The following ODC1 variants were observed in gnomAD, a reference collection of about 807,000 sequenced individuals.
ODC1 encodes the protein ornithine decarboxylase.
Under a neutral mutation model 41.5 loss-of-function variants are expected in ODC1, and 18 were observed. That is an observed-to-expected ratio of 0.43 (90% CI 0.30 to 0.64). ODC1 has a LOEUF of 0.64. ODC1 is among the 30% of genes least tolerant of loss of function. The pLI is 0.11. For missense variants in ODC1, 504 were observed against 589.0 expected, an observed-to-expected ratio of 0.86 and a Z score of 1.49; for synonymous variants, 218 against 211.6, an observed-to-expected ratio of 1.03 and a Z score of -0.26.
chr2:10,443,153 A>T, intron 8 of ODC1, 77 bp downstream of exon 8: 1 of 1,126,280 alleles, frequency 8.9e-7, no homozygotes. Flanking sequence ...ATTAGTTAAG[A>T]CACTTAAATT....
chr2:10,446,297 G>C (rs1169072282), intron 1 of ODC1, among the ~76,000 whole-genome samples: 1 of 152,032 alleles, frequency 6.6e-6, no homozygotes, highest in Non-Finnish European at 1.5e-5. Context: ...CCACACCCGG[G>C]GCCTGGCTAA....
intron 9 of ODC1, 31 bp from the exon 10 acceptor site, chr2:10,441,960 T>G: frequency 6.2e-7 from 1 of 1,613,394 alleles, no homozygotes. Context: ...TCTTAATGAC[T>G]TTTTGCATCA....
In ODC1 at chr2:10,440,401, C is replaced by CT. The variant is rs1671781795; in HGVS notation, c.*322dup. 1 of 202,136 alleles carries CT rather than the reference C, an allele frequency of 4.9e-6. No homozygotes were observed. The highest frequency in any genetic ancestry group is 2.3e-5 in the African/African-American group (1 of 42,796). The allele number at this position is 202,136 out of a possible 1,614,324, so 12.5% of individuals were successfully genotyped here. A position where few individuals can be genotyped will look rare whatever the true frequency, so the allele number is the denominator to read the frequency against. On this transcript the variant is annotated 3_prime_UTR_variant, in exon 12 of 12. Transcript: ENST00000234111. Reference sequence around the variant, plus strand: ...CCCAATGCCTAATTATTTCAAGATACTTTATTTTAAAAACAGGTCACAACA... The same window carrying CT: ...CCCAATGCCTAATTATTTCAAGATACTTTTATTTTAAAAACAGGTCACAACA...
At chr2:10,443,054 T>C (rs1671883345) in intron 8 of ODC1, among the ~76,000 whole-genome samples, 176 bp downstream of exon 8, 1 of 152,198 alleles carries the variant, frequency 6.6e-6, no homozygotes, top group South Asian at 2.1e-4. Context: ...ATTCACACTT[T>C]AGAAAACCAA....
At chr2:10,443,423 T>C in intron 7 of ODC1, 67 bp downstream of exon 7, 2 of 1,569,168 alleles carry the variant, frequency 1.3e-6, no homozygotes, top group Non-Finnish European at 1.8e-6. Context: ...AAAAGTTAAC[T>C]CTAGAATTAA....
chr2:10,448,285 GGGGCGGC>G lies in ODC1; in HGVS notation c.-299_-293del. ...AGGTGGCGCCGGAGCTGCTGGCAGA[GGGGCGGC>G]GGGCGGCGGCGGCGGCGGCTACAGG... On this transcript the variant is annotated 5_prime_UTR_variant, in exon 1 of 12. Transcript: ENST00000234111. 2 of 243,616 alleles carry G rather than the reference GGGGCGGC, an allele frequency of 8.2e-6. No homozygotes were observed. The highest frequency in any genetic ancestry group is 5.6e-5 in the Admixed American group (1 of 17,716). 15.1% of individuals were successfully genotyped at this position (243,616 alleles called of 1,614,324 possible).
chr2:10,446,723 A>G (rs1572148139), intron 1 of ODC1: 5 of 467,456 alleles, frequency 1.1e-5, no homozygotes, highest in Non-Finnish European at 2.1e-5. Context: ...CCACTGTGCA[A>G]CCCACTTCAG....
chr2:10,444,713 G>A (rs1018090938), intron 3 of ODC1, 66 bp from the exon 4 acceptor site: 5 of 1,407,344 alleles, frequency 3.6e-6, no homozygotes, highest in Middle Eastern at 2.0e-4. Context: ...AATAGCCAGC[G>A]ACCTTCATTC....
In ODC1 at chr2:10,441,595, G is replaced by C. The variant is rs892725871; in HGVS notation, c.1155C>G (p.Asn385Lys). The change falls in exon 11 of 12, where the codon AAC becomes AAG. Residue 385 changes from asparagine (N) to lysine (K), a missense_variant. By Grantham distance (94) the Asn-to-Lys change is moderately conservative (BLOSUM62 0). This residue lies in a region of ODC1 where 447 missense variants were observed against 524.4 expected (regional missense o/e 0.85). Transcript: ENST00000234111. ...CAGCAGCAACAGTGTAAGCGCCCAT[G>C]TTTTCAAAGAGCATCCAATCACCCA... ...MHVGDWMLFE[N>K]MGAYTVAAAS... The C allele has an allele frequency of 4.3e-6, 7 of 1,614,194 alleles. No individual in the cohort carries two copies. The highest frequency in any genetic ancestry group is 2.2e-5 in the East Asian group (1 of 44,882).
chr2:10,440,827 T>G lies in ODC1; in HGVS notation c.1283A>C (p.Glu428Ala), dbSNP rs1327440737. The G allele has an allele frequency of 6.2e-7, 1 of 1,614,090 alleles. No homozygotes were observed. The change falls in exon 12 of 12, where the codon GAA becomes GCA. Residue 428 changes from glutamate (E) to alanine (A), a missense_variant. Glu to Ala is a moderately radical substitution (Grantham distance 107). Coordinates refer to ENST00000234111, the MANE Select transcript of ODC1 (RefSeq NM_002539.3). ...QQFQNPDFPP[E>A]VEEQDASTLP... is the part of the protein sequence containing the mutation. ...GGTGCTGGCATCCTGTTCCTCTACT[T>G]CGGGTGGGAAGTCGGGGTTCTGGAA... is the stretch of plus-strand genomic sequence containing the variant.
intron 1 of ODC1, chr2:10,447,432 A>C (rs1672062151): frequency 6.6e-6 from 1 of 152,250 alleles, no homozygotes; most frequent in African/African-American, 2.4e-5. Flanking sequence ...TTCACCAATT[A>C]TTTCGACTTC....
At chr2:10,443,456 C>T in intron 7 of ODC1, 34 bp downstream of exon 7, 3 of 1,602,416 alleles carry the variant, frequency 1.9e-6, no homozygotes, top group Non-Finnish European at 1.7e-6. Flanking sequence ...TCAGTTGTGT[C>T]CCGCCCTTCC....
intron 3 of ODC1, 43 bp downstream of exon 3, chr2:10,444,888 G>T: frequency 7.1e-7 from 1 of 1,405,768 alleles, no homozygotes; most frequent in Non-Finnish European, 1.0e-6. Flanking sequence ...CCACTTGCCT[G>T]GCACTCTCAG....
chr2:10,443,945 G>GT, intron 5 of ODC1, 109 bp from the exon 6 acceptor site: 1 of 1,508,284 alleles, frequency 6.6e-7, no homozygotes, highest in Non-Finnish European at 9.0e-7. Context: ...ATATTCTGTA[G>GT]TTTGAGTCCC....
chr2:10,442,099 CG>C lies in ODC1; in HGVS notation c.825del (p.Gly276AlafsTer22). On this transcript the variant is annotated frameshift_variant, in exon 9 of 12. Coordinates refer to ENST00000234111, the MANE Select transcript of ODC1 (RefSeq NM_002539.3). LOFTEE classifies it high-confidence loss of function. ...SDSGVRIIAE[P>X]GRYYVASAFT... ...AAAGCTGATGCAACATAGTATCTGC[CG>C]GGCTCAGCTATGATTCTCACTCCAG... 1 of 1,614,072 alleles carries C rather than the reference CG, an allele frequency of 6.2e-7. No homozygotes were observed. The highest frequency in any genetic ancestry group is 8.5e-7 in the Non-Finnish European group (1 of 1,179,994).
intron 5 of ODC1, 47 bp from the exon 6 acceptor site, chr2:10,443,883 T>A: frequency 6.2e-7 from 1 of 1,601,826 alleles, no homozygotes. Flanking sequence ...AGATGTTCAC[T>A]TATAGCCACA....
chr2:10,440,494 T>C lies in ODC1; in HGVS notation c.*230A>G, dbSNP rs938375774. 1 of 422,864 alleles carries C rather than the reference T, an allele frequency of 2.4e-6. No individual in the cohort carries two copies. The highest frequency in any genetic ancestry group is 4.2e-6 in the Non-Finnish European group (1 of 237,154). 26.2% of individuals were successfully genotyped at this position (422,864 alleles called of 1,614,324 possible). ...CTTGTTCAGCAGCTGAGGGGCACTC[T>C]TGAGTAGCGTGTCTGAAGAGTGAAT... On this transcript the variant is annotated 3_prime_UTR_variant, in exon 12 of 12. Transcript: ENST00000234111.
chr2:10,444,191 G>C lies in ODC1; in HGVS notation c.353C>G (p.Ser118Cys). ...ATTATTAGCAGCATACTTAATTTGA[G>C]ATACTTGTTTACAAGGATTTGCATA... ...IIYANPCKQVSQIKYAANNGV... is the reference protein window; with the variant it reads ...IIYANPCKQVCQIKYAANNGV... The change falls in exon 5 of 12, where the codon TCT becomes TGT. Residue 118 changes from serine (S) to cysteine (C), a missense_variant. Around this residue, in one of 3 missense-constraint regions of ODC1, gnomAD observed 447 missense variants for 524.4 expected, o/e 0.85. Coordinates refer to ENST00000234111, the MANE Select transcript of ODC1 (RefSeq NM_002539.3). The C allele has an allele frequency of 1.2e-6, 2 of 1,613,144 alleles. No homozygotes were observed. The highest frequency in any genetic ancestry group is 3.3e-4 in the Middle Eastern group (2 of 6,058).
At position 10,444,983 on chromosome 2, in the gene ODC1, C is replaced by A; in HGVS notation, c.50G>T (p.Gly17Val). Residue 17 changes from glycine (G) to valine (V), a missense_variant, in exon 3 of 12, where the codon GGT becomes GTT. Physicochemically the swap from Gly to Val is moderately radical, Grantham distance 109. Around this residue, in one of 3 missense-constraint regions of ODC1, gnomAD observed 53 missense variants for 46.3 expected, o/e 1.14. Coordinates refer to ENST00000234111, the MANE Select transcript of ODC1 (RefSeq NM_002539.3). The stretch of plus-strand genomic sequence containing the variant: ...GTCCAGAATGTCCTTGGCAGTAAAA[C>A]CTTCATCGAGGAAGTGGCAGTCAAA... ...EEFDCHFLDE[G>V]FTAKDILDQK... 1 of 1,613,974 alleles carries A rather than the reference C, an allele frequency of 6.2e-7. No individual in the cohort carries two copies. Among genetic ancestry groups the A allele is most frequent in the Non-Finnish European group, 8.5e-7 (1 of 1,179,882 alleles).
Sources: gnomAD v4.1 joint callset for allele counts (sites outside exome capture counted in the v4.1 genomes callset) on GRCh38, gnomAD v4.1.1 for gene constraint, gnomAD v4.1.1 regional missense constraint, MANE v1.5 for transcripts, NCBI Gene and HGNC (gene_info 2026-07-23, HGNC 2026-07-21) for gene names.